CCDC83: variants seen among roughly 807,000 people sequenced by gnomAD.
CCDC83 encodes coiled-coil domain containing 83, also known as coiled-coil domain-containing protein 83.
A neutral mutation model predicts 50.1 loss-of-function variants in CCDC83; 54 were observed. The observed-to-expected ratio is 1.08, with a 90% confidence interval of 0.87 to 1.35. The LOEUF (loss-of-function observed/expected upper bound fraction) is 1.35, where lower values mean the gene tolerates loss of function less well. Among genes scored for constraint, CCDC83 ranks in the 40% most tolerant of loss-of-function variants. The pLI is 0.00. For missense variants in CCDC83, 518 were observed against 473.9 expected, an observed-to-expected ratio of 1.09 and a Z score of -0.86; for synonymous variants, 161 against 153.3, an observed-to-expected ratio of 1.05 and a Z score of -0.37.
At chr11:85,858,471 G>A (rs1364213188) in intron 1 of CCDC83, among the ~76,000 whole-genome samples, 3 of 152,150 alleles carry the variant, frequency 2.0e-5, no homozygotes, top group Non-Finnish European at 4.4e-5. Flanking sequence ...CTTTGTGATT[G>A]GTTTGTCAGT....
At chr11:85,864,433 T>C (rs529279909) in intron 1 of CCDC83, among the ~76,000 whole-genome samples, 2 of 152,366 alleles carry the variant, frequency 1.3e-5, no homozygotes, top group Admixed American at 6.5e-5. Context: ...TAAACATCTG[T>C]GAACAGTGGG....
At chr11:85,917,235 G>GA (rs2093486014) in intron 10 of CCDC83, among the ~76,000 whole-genome samples, 1 of 140,220 alleles carries the variant, frequency 7.1e-6, no homozygotes, top group South Asian at 2.3e-4. Flanking sequence ...AGAAAGAAAA[G>GA]AAAGAAAGAG....
Position 85,860,102 on chromosome 11 carries a change from C to T in CCDC83, c.-29+4518C>T, listed in dbSNP as rs142836272. ...AGGAGATCGAGATAGTCCTGGCTAACACGGTGAAACCCCGACTCTACTAAA... is the reference window on the plus strand; with the variant it reads ...AGGAGATCGAGATAGTCCTGGCTAATACGGTGAAACCCCGACTCTACTAAA... On this transcript the variant is annotated intron_variant, in intron 1 of 10. Coordinates refer to ENST00000342404, the MANE Select transcript of CCDC83 (RefSeq NM_001286159.2). Among the ~76,000 whole-genome samples the T allele has an allele frequency of 2.5e-3, 382 of 152,026 alleles. 2 individuals are homozygous for T. The highest frequency in any genetic ancestry group is 8.3e-3 in the African/African-American group (345 of 41,498).
intron 10 of CCDC83, among the ~76,000 whole-genome samples, chr11:85,918,518 T>C (rs2093493201): frequency 6.6e-6 from 1 of 152,188 alleles, no homozygotes; most frequent in Non-Finnish European, 1.5e-5. Flanking sequence ...CCACCCAGTT[T>C]TGGGTTGGCT....
At chr11:85,865,368 C>A in intron 2 of CCDC83, 150 bp downstream of exon 2, 1 of 599,590 alleles carries the variant, frequency 1.7e-6, no homozygotes, top group African/African-American at 1.9e-5. Flanking sequence ...TTGTGCTATG[C>A]ACATATTTTT....
At chr11:85,861,353 A>G (rs1849652496) in intron 1 of CCDC83, among the ~76,000 whole-genome samples, 1 of 152,204 alleles carries the variant, frequency 6.6e-6, no homozygotes, top group Non-Finnish European at 1.5e-5. Context: ...CTGAGAATCC[A>G]GTATAATTTG....
Position 85,919,391 on chromosome 11 carries a change from GT to G in CCDC83, c.1124del (p.Val375GlyfsTer34). 6.2e-7 allele frequency: 1 copy of G among 1,613,792 alleles called. No individual in the cohort carries two copies. Among genetic ancestry groups the G allele is most frequent in the Non-Finnish European group, 8.5e-7 (1 of 1,179,850 alleles). On this transcript the variant is annotated frameshift_variant, in exon 11 of 11. Coordinates refer to ENST00000342404, the MANE Select transcript of CCDC83 (RefSeq NM_001286159.2). LOFTEE classifies it high-confidence loss of function. Reference protein sequence around the residue: ...LGPLGVKLMSVESKKMPIHFQ... With the variant: ...LGPLGVKLMSXESKKMPIHFQ... ...CCCCCTGGGAGTGAAGCTTATGAGT[GT>G]GGAGAGCAAGAAAATGCCCATTCAT...
rs545714282 is a variant in CCDC83, at chr11:85,889,670, T to G, written c.511+3303T>G. 3.9e-5 allele frequency among the ~76,000 whole-genome samples: 6 copies of G among 152,248 alleles called. No homozygotes were observed. In the East Asian group the frequency reaches 1.2e-3, roughly 30 times the overall value. On this transcript the variant is annotated intron_variant, in intron 5 of 10. Transcript: ENST00000342404. ...CTGAAGGCTTACTACCATCATCCCCTCTTTTTCTCCTACCTTCTACACAGG... is the reference window on the plus strand; with the variant it reads ...CTGAAGGCTTACTACCATCATCCCCGCTTTTTCTCCTACCTTCTACACAGG...
In CCDC83 at chr11:85,863,979, G is replaced by T. The variant is rs185856670; in HGVS notation, c.-28-1117G>T. 3.9e-5 allele frequency among the ~76,000 whole-genome samples: 6 copies of T among 152,324 alleles called. No individual in the cohort carries two copies. The East Asian group carries it at 7.7e-4, about 20-fold the overall frequency. ...TTTAATCCTTACAATAGCTCTTAGA[G>T]TAGAATTGTTATCCTTCTCCCTTGA... On this transcript the variant is annotated intron_variant, in intron 1 of 10. Coordinates refer to ENST00000342404, the MANE Select transcript of CCDC83 (RefSeq NM_001286159.2).
chr11:85,868,460 C>T (rs565556441), intron 2 of CCDC83, among the ~76,000 whole-genome samples: 3 of 152,248 alleles, frequency 2.0e-5, no homozygotes, highest in African/African-American at 7.2e-5. Flanking sequence ...CTACAACCCC[C>T]GCCTCCTGGA....
At chr11:85,912,047 C>T (rs1047001983) in intron 8 of CCDC83, among the ~76,000 whole-genome samples, 1 of 151,890 alleles carries the variant, frequency 6.6e-6, no homozygotes, top group African/African-American at 2.4e-5. Context: ...CAAAATGGCA[C>T]TCATAATTTA....
In CCDC83 at chr11:85,919,507, C is replaced by CT. The variant is rs1416373947; in HGVS notation, c.1240dup (p.Ter414LeufsTer80). 2 of 1,603,634 alleles carry CT rather than the reference C, an allele frequency of 1.2e-6. No individual in the cohort carries two copies. Among genetic ancestry groups the CT allele is most frequent in the South Asian group, 2.2e-5 (2 of 89,260 alleles). On this transcript the variant is annotated frameshift_variant, in exon 11 of 11. Coordinates refer to ENST00000342404, the MANE Select transcript of CCDC83 (RefSeq NM_001286159.2). LOFTEE classifies it high-confidence loss of function. ...CATATAAGATGATGAAGTCTTTTCT[C>CT]TAAGACGGAAAGCTGCAAAGGAAAC...
At chr11:85,863,549 G>C (rs2093189780) in intron 1 of CCDC83, among the ~76,000 whole-genome samples, 1 of 152,224 alleles carries the variant, frequency 6.6e-6, no homozygotes, top group African/African-American at 2.4e-5. Context: ...TTAGCATACA[G>C]AGTAGTGCAA....
intron 3 of CCDC83, among the ~76,000 whole-genome samples, chr11:85,881,474 G>A (rs1362817717): frequency 6.6e-6 from 1 of 152,048 alleles, no homozygotes; most frequent in Non-Finnish European, 1.5e-5. Flanking sequence ...CCAAGCTGGA[G>A]TGCAATGGTG....
intron 6 of CCDC83, among the ~76,000 whole-genome samples, chr11:85,896,833 A>G (rs1459862146): frequency 6.6e-6 from 1 of 151,414 alleles, no homozygotes; most frequent in Non-Finnish European, 1.5e-5. Flanking sequence ...CCCCACTAAG[A>G]TTGTCTGTTC....
At chr11:85,893,909 G>A (rs1278635929) in intron 5 of CCDC83, among the ~76,000 whole-genome samples, 1 of 151,962 alleles carries the variant, frequency 6.6e-6, no homozygotes, top group Non-Finnish European at 1.5e-5. Context: ...ATACTGTTTG[G>A]CATACAGAAA....
At chr11:85,876,393 C>T (rs2093269388) in intron 3 of CCDC83, among the ~76,000 whole-genome samples, 2 of 152,172 alleles carry the variant, frequency 1.3e-5, no homozygotes, top group African/African-American at 2.4e-5. Context: ...GTACTAATGT[C>T]ACTTTCCTGG....
At chr11:85,866,670 A>C (rs1285808338) in intron 2 of CCDC83, among the ~76,000 whole-genome samples, 1 of 151,950 alleles carries the variant, frequency 6.6e-6, no homozygotes, top group Non-Finnish European at 1.5e-5. Flanking sequence ...ACAAAACAAA[A>C]AAAAAAAACA....
intron 7 of CCDC83, among the ~76,000 whole-genome samples, chr11:85,906,139 C>T (rs1248688686): frequency 1.3e-5 from 2 of 151,544 alleles, no homozygotes; most frequent in Non-Finnish European, 2.9e-5. Flanking sequence ...AACCTTGGCT[C>T]ACTGAAACCT....
Sources: gnomAD v4.1 joint callset for allele counts (sites outside exome capture counted in the v4.1 genomes callset) on GRCh38, gnomAD v4.1.1 for gene constraint, MANE v1.5 for transcripts, NCBI Gene and HGNC (gene_info 2026-07-23, HGNC 2026-07-21) for gene names.